The following INPP4A variants were observed in gnomAD, a reference collection of about 807,000 sequenced individuals.
INPP4A encodes the protein inositol polyphosphate-4-phosphatase, type I, 107kD.
Under a neutral mutation model 119.8 loss-of-function variants are expected in INPP4A, and 33 were observed. The ratio of observed to expected loss-of-function variants is 0.28; its 90% CI spans 0.21 to 0.37. The LOEUF is 0.37. Ranked by LOEUF, INPP4A falls within the 10% of genes least tolerant of loss-of-function variation. The pLI, the probability that INPP4A is intolerant of heterozygous loss-of-function variation, is 1.00. For missense variants in INPP4A, 956 were observed against 1,289.9 expected (o/e 0.74, Z 3.97); for synonymous variants, 496 against 500.7 (o/e 0.99, Z 0.12).
In INPP4A at chr2:98,554,309, G is replaced by A; in HGVS notation, c.1386G>A (p.Leu462=). ...QLVTVCDCKL[L]ANSIHGLNAA... is the part of the protein sequence containing the mutation. ...TCACGGTCTGCGACTGCAAGCTCCT[G>A]GCCAACTCCATCCATGGGCTGAACG... Residue 462 remains leucine, a synonymous_variant, in exon 15 of 25, where the codon CTG becomes CTA. Coordinates refer to ENST00000409851, the MANE Select transcript of INPP4A (RefSeq NM_001134225.2). This position sits in a 1 kb window ranked among gnomAD's most constrained non-coding sequence, Gnocchi z 4.7. The A allele has an allele frequency of 6.2e-7, 1 of 1,611,680 alleles. No homozygotes were observed. The highest frequency in any genetic ancestry group is 8.5e-7 in the Non-Finnish European group (1 of 1,179,116).
At chr2:98,511,000 G>A (rs1240081669) in intron 1 of INPP4A, among the ~76,000 whole-genome samples, 1 of 152,146 alleles carries the variant, frequency 6.6e-6, no homozygotes, top group Non-Finnish European at 1.5e-5. Context: ...CAGGTCATTT[G>A]TGTCTGCAGG....
intron 4 of INPP4A, chr2:98,521,074 G>T: frequency 4.4e-6 from 1 of 228,248 alleles, no homozygotes; most frequent in Non-Finnish European, 8.5e-6. Flanking sequence ...GGGAAGGAGG[G>T]GTTGGGGAAA....
intron 4 of INPP4A, 87 bp from the exon 5 acceptor site, chr2:98,533,290 T>C (rs1262466337): frequency 1.0e-5 from 8 of 787,450 alleles, no homozygotes; most frequent in East Asian, 7.5e-5. Flanking sequence ...ATTTACTCTT[T>C]GTGCTTTCTT....
At chr2:98,586,139 G>A (rs1399486025) in intron 24 of INPP4A, among the ~76,000 whole-genome samples, 1 of 152,200 alleles carries the variant, frequency 6.6e-6, no homozygotes. Context: ...CACACATCTA[G>A]CTGAGGCCTT....
intron 1 of INPP4A, among the ~76,000 whole-genome samples, chr2:98,478,468 A>G (rs999530308): frequency 3.9e-5 from 6 of 152,138 alleles, no homozygotes; most frequent in Admixed American, 3.9e-4. Context: ...CCTCTCCACC[A>G]GACCTGCGCT....
chr2:98,499,020 G>A (rs997819161), intron 1 of INPP4A, among the ~76,000 whole-genome samples: 2 of 152,222 alleles, frequency 1.3e-5, no homozygotes, highest in African/African-American at 4.8e-5. Flanking sequence ...CATGTCTAAT[G>A]TGGAATCTCA....
At chr2:98,513,401 G>C (rs1033224426) in intron 1 of INPP4A, among the ~76,000 whole-genome samples, 2 of 152,148 alleles carry the variant, frequency 1.3e-5, no homozygotes, top group African/African-American at 4.8e-5. Flanking sequence ...CATTTGCTTT[G>C]CATTAAAAGT....
At chr2:98,512,519 A>G (rs1183064203) in intron 1 of INPP4A, among the ~76,000 whole-genome samples, 1 of 152,220 alleles carries the variant, frequency 6.6e-6, no homozygotes, top group Non-Finnish European at 1.5e-5. Context: ...TGGTGCCCGC[A>G]TCTGGTGAGG....
intron 16 of INPP4A, 106 bp from the exon 17 acceptor site, chr2:98,559,357 G>C: frequency 7.8e-7 from 1 of 1,283,576 alleles, no homozygotes; most frequent in Admixed American, 1.8e-5. Context: ...TTTGTTAGCC[G>C]CCTTACTGCA....
chr2:98,502,172 T>G (rs1198026585), intron 1 of INPP4A, among the ~76,000 whole-genome samples: 1 of 152,194 alleles, frequency 6.6e-6, no homozygotes, highest in Admixed American at 6.5e-5. Flanking sequence ...TGTGTTCTCC[T>G]GGGCTGGCTG....
At chr2:98,482,712 A>G (rs528946094) in intron 1 of INPP4A, among the ~76,000 whole-genome samples, 1 of 152,278 alleles carries the variant, frequency 6.6e-6, no homozygotes, top group Non-Finnish European at 1.5e-5. Flanking sequence ...CTGGGATGTG[A>G]TGCAAAAAGA....
At chr2:98,484,642 ATAGTC>A (rs1679176679) in intron 1 of INPP4A, among the ~76,000 whole-genome samples, 1 of 152,172 alleles carries the variant, frequency 6.6e-6, no homozygotes, top group Non-Finnish European at 1.5e-5. Flanking sequence ...TTAGTAAAAC[ATAGTC>A]TAGAGGAAGA....
At chr2:98,515,440 C>T (rs991285970) in intron 1 of INPP4A, among the ~76,000 whole-genome samples, 4 of 40,030 alleles carry the variant, frequency 1.0e-4, no homozygotes, top group Non-Finnish European at 1.4e-4. Context: ...TGGGGTAGGA[C>T]GGGGGTGGGG....
Position 98,521,502 on chromosome 2 carries a change from T to C in INPP4A, c.151+771T>C, listed in dbSNP as rs893361509. Reference sequence around the variant, plus strand: ...AACCACATGGCCTTGAGCCTGCCACTCGACCTTGCTGGAACAGTTTCCTCC... The same window carrying C: ...AACCACATGGCCTTGAGCCTGCCACCCGACCTTGCTGGAACAGTTTCCTCC... On this transcript the variant is annotated intron_variant, in intron 4 of 24. Transcript: ENST00000409851. The C allele has an allele frequency of 2.0e-5, 3 of 152,218 alleles. No homozygotes were observed. The East Asian group carries it at 5.8e-4, about 29-fold the overall frequency. The allele number at this position is 152,218 out of a possible 1,614,324, so 9.4% of individuals were successfully genotyped here. A position where few individuals can be genotyped will look rare whatever the true frequency, so the allele number is the denominator to read the frequency against.
chr2:98,451,310 C>T (rs1695179791), intron 1 of INPP4A, among the ~76,000 whole-genome samples: 2 of 152,020 alleles, frequency 1.3e-5, no homozygotes, highest in Non-Finnish European at 2.9e-5. Context: ...GCTCACCTGG[C>T]GAGGGACTTA....
intron 4 of INPP4A, among the ~76,000 whole-genome samples, chr2:98,522,367 G>A (rs879795749): frequency 6.6e-6 from 1 of 151,306 alleles, no homozygotes; most frequent in South Asian, 2.1e-4. Context: ...ACAAAACCAG[G>A]ACACTATAAA....
intron 1 of INPP4A, among the ~76,000 whole-genome samples, chr2:98,494,802 G>A (rs1448057107): frequency 2.6e-5 from 4 of 152,222 alleles, no homozygotes; most frequent in Non-Finnish European, 5.9e-5. Flanking sequence ...TAGATAAAAT[G>A]TAGAACAATG....
chr2:98,555,029 AT>A (rs1329210954), intron 15 of INPP4A, among the ~76,000 whole-genome samples: 1 of 152,184 alleles, frequency 6.6e-6, no homozygotes, highest in Non-Finnish European at 1.5e-5. Flanking sequence ...TTTACCATTT[AT>A]TGAGACTACT....
At chr2:98,532,630 A>G (rs1332397419) in intron 4 of INPP4A, among the ~76,000 whole-genome samples, 3 of 152,180 alleles carry the variant, frequency 2.0e-5, no homozygotes, top group Non-Finnish European at 2.9e-5. Context: ...TGTTATTCCT[A>G]GGCTACCAAC....
Sources: allele counts gnomAD v4.1 joint callset (sites outside exome capture counted in the v4.1 genomes callset), GRCh38; gene constraint gnomAD v4.1.1; non-coding constraint Gnocchi (gnomAD v3.1); transcripts MANE v1.5; gene names NCBI Gene and HGNC (gene_info 2026-07-23, HGNC 2026-07-21).